The following MED23 variants were observed in gnomAD, a reference collection of about 807,000 sequenced individuals.
MED23 encodes mediator complex subunit 23, also known as mediator of RNA polymerase II transcription subunit 23.
Under a neutral mutation model 163.9 loss-of-function variants are expected in MED23, and 105 were observed. The observed-to-expected ratio is 0.64, with a 90% CI of 0.55 to 0.75. MED23 has a LOEUF of 0.75. Among genes scored for constraint, MED23 ranks in the 30% least tolerant of loss-of-function variants. MED23 has a pLI of 0.00. For synonymous variants in MED23, 561 were observed against 565.6 expected (o/e 0.99, Z 0.12); for missense variants, 1,054 against 1,649.0 (o/e 0.64, Z 6.25).
In MED23 at chr6:131,615,632, GT is replaced by G; in HGVS notation, c.876+274del. On this transcript the variant is annotated intron_variant, in intron 10 of 28. Coordinates refer to ENST00000368068, the MANE Select transcript of MED23 (RefSeq NM_004830.4). ...AAAATTATGGTTGAGTCATGTGTAG[GT>G]TTCTCTGGCAAAAGGTATACTTGAA... is the stretch of plus-strand genomic sequence containing the variant. 4 of 551,406 alleles carry G rather than the reference GT, an allele frequency of 7.3e-6. No homozygotes were observed. In the South Asian group the frequency reaches 8.3e-5, roughly 11 times the overall value. The allele number at this position is 551,406 out of a possible 1,614,324, so 34.2% of individuals were successfully genotyped here.
At chr6:131,584,806 C>G (rs984817033), downstream of MED23, among the ~76,000 whole-genome samples, 16 of 140,820 alleles carry the variant, frequency 1.1e-4, no homozygotes, top group African/African-American at 4.2e-4. Context: ...AACCCCATCA[C>G]TACAAAAAAT....
At chr6:131,597,475 C>CAAAAAAAAAAAAAAAA (rs59083644) in intron 20 of MED23, among the ~76,000 whole-genome samples, 1 of 53,754 alleles carries the variant, frequency 1.9e-5, no homozygotes, top group African/African-American at 6.9e-5. Flanking sequence ...GACTCCATAT[C>CAAAAAAAAAAAAAAAA]AAAAAAAAAA....
chr6:131,597,670 G>C (rs1465316837), intron 20 of MED23, among the ~76,000 whole-genome samples: 1 of 151,780 alleles, frequency 6.6e-6, no homozygotes, highest in Non-Finnish European at 1.5e-5. Flanking sequence ...ATCAACTCAG[G>C]GTCTAATTGC....
At chr6:131,624,821 TAGAAA>T (rs755408583) in intron 4 of MED23, 39 bp downstream of exon 4, 14 of 1,610,052 alleles carry the variant, frequency 8.7e-6, no homozygotes, top group South Asian at 5.5e-5. Context: ...CAATCACATA[TAGAAA>T]AGAAAATTCT....
Position 131,598,452 on chromosome 6 carries a change from A to G in MED23, c.2442T>C (p.Ile814=). ...NQIGYRVLER[I]GARALVAHVR... ...CATGGGCTACCAAGGCCCTGGCTCC[A>G]ATTCTCTCTAATACTCTGGAAGGCA... The change falls in exon 20 of 29, where the codon ATT becomes ATC. Residue 814 remains isoleucine, a synonymous_variant. Transcript: ENST00000368068. This position sits in a 1 kb window ranked among gnomAD's most constrained non-coding sequence, Gnocchi z 4.7. 6.2e-7 allele frequency: 1 copy of G among 1,614,158 alleles called. No individual in the cohort carries two copies.
intron 9 of MED23, among the ~76,000 whole-genome samples, chr6:131,617,901 C>T (rs1776807785): frequency 6.6e-6 from 1 of 152,164 alleles, no homozygotes; most frequent in East Asian, 1.9e-4. Flanking sequence ...GATATAGTCA[C>T]ATTAGTCTTA....
intron 30 of MED23, chr6:131,579,387 C>T (rs900788578): frequency 1.5e-6 from 2 of 1,339,260 alleles, no homozygotes; most frequent in East Asian, 5.0e-5. Context: ...AAGCATTGAC[C>T]TATATTTTAT....
At chr6:131,621,480 A>T (rs1424851134) in intron 6 of MED23, among the ~76,000 whole-genome samples, 1 of 152,194 alleles carries the variant, frequency 6.6e-6, no homozygotes, top group Non-Finnish European at 1.5e-5. Context: ...ATAAAGATTA[A>T]TAAACAATGG....
intron 3 of MED23, 102 bp downstream of exon 3, chr6:131,627,294 A>C: frequency 1.2e-6 from 1 of 835,794 alleles, no homozygotes; most frequent in South Asian, 1.5e-5. Context: ...CTTCTCAGGA[A>C]GATCTTAAGA....
In MED23 at chr6:131,604,244, C is replaced by G; in HGVS notation, c.1690G>C (p.Val564Leu). The G allele has an allele frequency of 1.9e-6, 3 of 1,613,908 alleles. No homozygotes were observed. The highest frequency in any genetic ancestry group is 2.5e-6 in the Non-Finnish European group (3 of 1,179,842). ...KSSVALAPAL[V>L]ETYSRLLVYM... is the part of the protein sequence containing the mutation. ...ACCAATAAACGACTGTAAGTTTCCA[C>G]TAGGGCTGGAGCCAAGGCCACACTG... Residue 564 changes from valine to leucine, a missense_variant, in exon 15 of 29, where the codon GTG becomes CTG. Physicochemically the swap from Val to Leu is conservative, Grantham distance 32 (BLOSUM62 1). Coordinates refer to ENST00000368068, the MANE Select transcript of MED23 (RefSeq NM_004830.4).
intron 9 of MED23, 83 bp downstream of exon 9, chr6:131,618,324 C>T (rs1776838525): frequency 1.1e-6 from 1 of 904,394 alleles, no homozygotes; most frequent in Non-Finnish European, 1.8e-6. Context: ...GATTATGAAG[C>T]AACAATTTAG....
intron 26 of MED23, among the ~76,000 whole-genome samples, 158 bp from the exon 27 acceptor site, chr6:131,590,600 C>T (rs954206873): frequency 6.6e-6 from 1 of 152,160 alleles, no homozygotes. Context: ...TCACATCTCT[C>T]ACTGGCTATT....
At chr6:131,576,553 TC>T (rs1773621267) in intron 30 of MED23, 4 of 1,066,362 alleles carry the variant, frequency 3.8e-6, no homozygotes, top group Non-Finnish European at 4.3e-6. Flanking sequence ...CTGTAGGAGC[TC>T]AAAAAATGAT....
chr6:131,603,652 G>A (rs1775648321), intron 15 of MED23, among the ~76,000 whole-genome samples: 1 of 152,030 alleles, frequency 6.6e-6, no homozygotes, highest in Non-Finnish European at 1.5e-5. Context: ...AGTTATTGTG[G>A]TTAAAATTAA....
Position 131,596,829 on chromosome 6 carries a change from G to C in MED23, c.2608-141C>G, listed in dbSNP as rs893661913. 3.8e-6 allele frequency: 3 copies of C among 783,488 alleles called. No individual in the cohort carries two copies. The Admixed American group carries it at 7.0e-5, about 18-fold the overall frequency. The allele number at this position is 783,488 out of a possible 1,614,324, so 48.5% of individuals were successfully genotyped here. A position where few individuals can be genotyped will look rare whatever the true frequency, so the allele number is the denominator to read the frequency against. Reference sequence around the variant, plus strand: ...ACGTCTAGTCTATCCCAAACCAACTGTTCAGTATTCCCCAAACATATATGA... The same window carrying C: ...ACGTCTAGTCTATCCCAAACCAACTCTTCAGTATTCCCCAAACATATATGA... On this transcript the variant is annotated intron_variant, in intron 20 of 28. Transcript: ENST00000368068.
Position 131,618,302 on chromosome 6 carries a change from T to C in MED23, c.780+105A>G, listed in dbSNP as rs6923189. On this transcript the variant is annotated intron_variant, in intron 9 of 28. Coordinates refer to ENST00000368068, the MANE Select transcript of MED23 (RefSeq NM_004830.4). Reference sequence around the variant, plus strand: ...ACTATAAACTATCTTTCATTAAATATTTACTTCTTCAGATTATGAAGCAAC... The same window carrying C: ...ACTATAAACTATCTTTCATTAAATACTTACTTCTTCAGATTATGAAGCAAC... 18,781 of 781,634 alleles carry C rather than the reference T, an allele frequency of 0.024. 2,057 individuals carry two copies. The African/African-American group carries it at 0.26, about 11-fold the overall frequency. The allele number at this position is 781,634 out of a possible 1,614,324, so 48.4% of individuals were successfully genotyped here.
downstream of MED23, chr6:131,584,110 T>C (rs971523115): frequency 4.9e-6 from 3 of 610,118 alleles, no homozygotes; most frequent in East Asian, 9.1e-5. Context: ...AAAGCTTATA[T>C]TTTCTAACTT....
chr6:131,584,072 G>A, downstream of MED23: 2 of 797,582 alleles, frequency 2.5e-6, no homozygotes, highest in Non-Finnish European at 1.9e-6. Context: ...AATTCAAGAT[G>A]TGGAAATTCT....
At chr6:131,623,065 G>A (rs1188155433) in intron 5 of MED23, among the ~76,000 whole-genome samples, 1 of 152,102 alleles carries the variant, frequency 6.6e-6, no homozygotes, top group Non-Finnish European at 1.5e-5. Flanking sequence ...TCATTTGAAG[G>A]GATCATAATA....
Sources: allele counts gnomAD v4.1 joint callset (sites outside exome capture counted in the v4.1 genomes callset), GRCh38; gene constraint gnomAD v4.1.1; non-coding constraint Gnocchi (gnomAD v3.1); transcripts MANE v1.5; gene names NCBI Gene and HGNC (gene_info 2026-07-23, HGNC 2026-07-21).